SLC22A23: variants seen among roughly 807,000 people sequenced by gnomAD.
SLC22A23 encodes the protein solute carrier family 22 member 23.
SLC22A23 carries 26 observed loss-of-function variants against 61.0 expected under a neutral mutation model. That is an observed-to-expected ratio of 0.43 (90% confidence interval 0.31 to 0.59). The LOEUF is 0.59. Among genes scored for constraint, SLC22A23 ranks in the 20% least tolerant of loss-of-function variants. The pLI is 0.11. For synonymous variants in SLC22A23, 430 were observed against 413.9 expected (o/e 1.04, Z -0.47); for missense variants, 796 against 934.7 (o/e 0.85, Z 1.94).
At chr6:3,315,934 G>A (rs1171932688) in intron 4 of SLC22A23, among the ~76,000 whole-genome samples, 1 of 152,144 alleles carries the variant, frequency 6.6e-6, no homozygotes, top group Non-Finnish European at 1.5e-5. Context: ...ATCTTCTTTT[G>A]CAACTTCTTA....
At position 3,273,050 on chromosome 6, in the gene SLC22A23, C is replaced by T; in HGVS notation, c.*5G>A. 2.6e-6 allele frequency: 4 copies of T among 1,539,994 alleles called. No individual in the cohort carries two copies. The highest frequency in any genetic ancestry group is 1.4e-5 in the African/African-American group (1 of 73,386). ...ACCCTGGAGCCCCGGGTTCCGCAGG[C>T]CGGGCTACATGGCCTTCATGCCGTT... On this transcript the variant is annotated 3_prime_UTR_variant, in exon 10 of 10. Coordinates refer to ENST00000406686, the MANE Select transcript of SLC22A23 (RefSeq NM_015482.2).
At chr6:3,444,120 G>A (rs1328537848) in intron 1 of SLC22A23, among the ~76,000 whole-genome samples, 1 of 152,274 alleles carries the variant, frequency 6.6e-6, no homozygotes, top group Admixed American at 6.5e-5. Context: ...GGGTGGGCGC[G>A]TGCTGGCGGT....
chr6:3,344,399 C>T (rs1764307844), intron 3 of SLC22A23, among the ~76,000 whole-genome samples: 1 of 152,182 alleles, frequency 6.6e-6, no homozygotes, highest in Admixed American at 6.5e-5. Context: ...ATATTCTCCT[C>T]CCCTCTTTCC....
Position 3,441,949 on chromosome 6 carries a change from G to A in SLC22A23, c.654+13957C>T, listed in dbSNP as rs565354555. Among the ~76,000 whole-genome samples the A allele has an allele frequency of 3.4e-4, 52 of 152,282 alleles. No individual in the cohort carries two copies. In the South Asian group the frequency reaches 8.3e-3, roughly 24 times the overall value. On this transcript the variant is annotated intron_variant, in intron 1 of 9. Transcript: ENST00000406686. ...CACGGGAGGGATGGAGGGATTGTCCGGAACTGTCTTCAAGAAGGAGGGCAT... is the reference window on the plus strand; with the variant it reads ...CACGGGAGGGATGGAGGGATTGTCCAGAACTGTCTTCAAGAAGGAGGGCAT...
At chr6:3,337,819 G>A (rs935949574) in intron 3 of SLC22A23, among the ~76,000 whole-genome samples, 2 of 152,220 alleles carry the variant, frequency 1.3e-5, no homozygotes, top group African/African-American at 2.4e-5. Context: ...TTGTGAAGGG[G>A]CTCAGAGTAT....
intron 4 of SLC22A23, chr6:3,323,330 C>G (rs1262710946): frequency 6.6e-6 from 3 of 456,520 alleles, no homozygotes; most frequent in Non-Finnish European, 1.3e-5. Context: ...TATGTAAACA[C>G]ACGAGCATGG....
intron 4 of SLC22A23, among the ~76,000 whole-genome samples, chr6:3,300,014 T>C (rs1415377724): frequency 4.5e-5 from 6 of 134,328 alleles, no homozygotes; most frequent in Admixed American, 1.5e-4. Context: ...TTTTTTTTTT[T>C]TTTTTTTTTT....
At chr6:3,416,991 G>A (rs1297684258) in intron 1 of SLC22A23, among the ~76,000 whole-genome samples, 2 of 152,120 alleles carry the variant, frequency 1.3e-5, no homozygotes, top group Non-Finnish European at 2.9e-5. Context: ...TTGTCTCTAT[G>A]CTACCCAGAC....
At chr6:3,421,154 A>G (rs954344857) in intron 1 of SLC22A23, among the ~76,000 whole-genome samples, 1 of 152,234 alleles carries the variant, frequency 6.6e-6, no homozygotes, top group African/African-American at 2.4e-5. Context: ...TTTTTCAAAA[A>G]GAAAATTTTA....
At position 3,427,248 on chromosome 6, in the gene SLC22A23, TAAC is replaced by T. The variant is rs1474188859; in HGVS notation, c.655-11396_655-11394del. 4.5e-4 allele frequency among the ~76,000 whole-genome samples: 68 copies of T among 152,292 alleles called. No individual in the cohort carries two copies. The highest frequency in any genetic ancestry group is 1.6e-3 in the African/African-American group (66 of 41,562). On this transcript the variant is annotated intron_variant, in intron 1 of 9. Transcript: ENST00000406686. The surrounding 1 kb of genome is among the most constrained non-coding windows in gnomAD (Gnocchi z 4.3). ...AACATCGGGAATGCGCCTGGTGCAG[TAAC>T]CGGCACAAAGTGATTATTACTCATT... is the stretch of plus-strand genomic sequence containing the variant.
chr6:3,440,642 G>A (rs1209618077), intron 1 of SLC22A23, among the ~76,000 whole-genome samples: 1 of 151,328 alleles, frequency 6.6e-6, no homozygotes, highest in Non-Finnish European at 1.5e-5. Flanking sequence ...AGGAGGTGGA[G>A]GTTGCAGTGA....
chr6:3,381,742 T>C (rs1181962858), intron 3 of SLC22A23, among the ~76,000 whole-genome samples: 5 of 152,170 alleles, frequency 3.3e-5, no homozygotes, highest in African/African-American at 1.2e-4. Context: ...AGAAAAGAGC[T>C]AGAACAATGC....
At chr6:3,335,834 A>T (rs960211708) in intron 3 of SLC22A23, among the ~76,000 whole-genome samples, 1 of 152,220 alleles carries the variant, frequency 6.6e-6, no homozygotes, top group Non-Finnish European at 1.5e-5. Context: ...TCACGCCTGT[A>T]ATTCTAGCAC....
chr6:3,295,278 G>A (rs1473438013), intron 5 of SLC22A23, among the ~76,000 whole-genome samples: 1 of 147,436 alleles, frequency 6.8e-6, no homozygotes, highest in Non-Finnish European at 1.5e-5. Context: ...GGCTGACTTG[G>A]TCTCTGAGGA....
chr6:3,423,003 AT>A (rs1770247802), intron 1 of SLC22A23, among the ~76,000 whole-genome samples: 1 of 151,908 alleles, frequency 6.6e-6, no homozygotes, highest in African/African-American at 2.4e-5. Context: ...GAGTAATGTA[AT>A]TTCCGATTCA....
At chr6:3,352,986 A>C (rs1561918191) in intron 3 of SLC22A23, among the ~76,000 whole-genome samples, 1 of 152,164 alleles carries the variant, frequency 6.6e-6, no homozygotes, top group Non-Finnish European at 1.5e-5. Flanking sequence ...CAGGGTCAAA[A>C]TATGTATGAA....
chr6:3,433,567 G>T (rs867692411), intron 1 of SLC22A23, among the ~76,000 whole-genome samples: 30 of 152,300 alleles, frequency 2.0e-4, no homozygotes, highest in African/African-American at 7.0e-4. Context: ...TAGAACAGAG[G>T]GGTAGCCAGG....
intron 3 of SLC22A23, among the ~76,000 whole-genome samples, chr6:3,362,617 G>A (rs1765552278): frequency 6.6e-6 from 1 of 151,748 alleles, no homozygotes; most frequent in Non-Finnish European, 1.5e-5. Context: ...TCCTTAGCAA[G>A]GTAACAAAGG....
intron 3 of SLC22A23, among the ~76,000 whole-genome samples, chr6:3,353,115 G>A (rs1197478070): frequency 3.3e-5 from 5 of 152,284 alleles, no homozygotes; most frequent in African/African-American, 9.6e-5. Flanking sequence ...TGAGTGCTCC[G>A]CCTAATCTAA....
Sources: gnomAD v4.1 joint callset for allele counts (sites outside exome capture counted in the v4.1 genomes callset) on GRCh38, gnomAD v4.1.1 for gene constraint, Gnocchi (gnomAD v3.1) non-coding constraint, MANE v1.5 for transcripts, NCBI Gene and HGNC (gene_info 2026-07-23, HGNC 2026-07-21) for gene names.